Variants in TMEM62 observed in about 807,000 individuals in gnomAD.
The protein encoded by TMEM62 is transmembrane protein 62.
A neutral mutation model predicts 70.4 loss-of-function variants in TMEM62; 41 were observed. That is an observed-to-expected ratio of 0.58 (90% CI 0.45 to 0.76). The LOEUF (loss-of-function observed/expected upper bound fraction) is 0.76, where lower values mean the gene tolerates loss of function less well. Ranked by LOEUF, TMEM62 falls within the 30% of genes least tolerant of loss-of-function variation. The pLI is 0.00. For missense variants in TMEM62, 688 were observed against 788.5 expected, an observed-to-expected ratio of 0.87 and a Z score of 1.53; for synonymous variants, 268 against 291.0, an observed-to-expected ratio of 0.92 and a Z score of 0.80.
In TMEM62 at chr15:43,169,664, C is replaced by T; in HGVS notation, c.1368C>T (p.Tyr456=). 1.2e-6 allele frequency: 2 copies of T among 1,613,752 alleles called. No homozygotes were observed. Among genetic ancestry groups the T allele is most frequent in the Non-Finnish European group, 8.5e-7 (1 of 1,179,726 alleles). Residue 456 remains tyrosine, a synonymous_variant, in exon 11 of 14, where the codon TAC becomes TAT. Coordinates refer to ENST00000260403, the MANE Select transcript of TMEM62 (RefSeq NM_024956.4). ...TCATTATTTTTAGATATCGAGGATA[C>T]CCAGAGCTTAAAGGTTAGTTATGGT... ...TILIIFRYRG[Y]PELKEPSGFI... is the part of the protein sequence containing the mutation.
chr15:43,153,818 G>A (rs180916372), intron 8 of TMEM62, among the ~76,000 whole-genome samples: 31 of 152,256 alleles, frequency 2.0e-4, no homozygotes, highest in African/African-American at 7.0e-4. Flanking sequence ...TACAGATAAC[G>A]GTTCAAGTCC....
intron 10 of TMEM62, among the ~76,000 whole-genome samples, chr15:43,167,283 C>T (rs1157024816): frequency 1.3e-5 from 2 of 151,746 alleles, no homozygotes; most frequent in African/African-American, 2.4e-5. Flanking sequence ...ACCTCCCTCC[C>T]GGACGGGGTG....
At chr15:43,177,331 C>G (rs978686524) in intron 11 of TMEM62, among the ~76,000 whole-genome samples, 1 of 152,034 alleles carries the variant, frequency 6.6e-6, no homozygotes, top group African/African-American at 2.4e-5. Flanking sequence ...GAATGGCAAT[C>G]ATTAAAAAGT....
intron 3 of TMEM62, among the ~76,000 whole-genome samples, chr15:43,136,176 A>G (rs907752374): frequency 2.6e-5 from 4 of 152,206 alleles, no homozygotes; most frequent in African/African-American, 7.2e-5. Context: ...TTTCATTTAT[A>G]TGACATTCAG....
chr15:43,171,854 C>T (rs1055239582), intron 11 of TMEM62, among the ~76,000 whole-genome samples: 3 of 151,922 alleles, frequency 2.0e-5, no homozygotes, highest in Non-Finnish European at 2.9e-5. Context: ...GTCTCAATCT[C>T]CTAACATCAT....
intron 7 of TMEM62, among the ~76,000 whole-genome samples, chr15:43,149,573 C>T (rs560212213): frequency 6.6e-6 from 1 of 151,548 alleles, no homozygotes; most frequent in Non-Finnish European, 1.5e-5. Flanking sequence ...CAGGCACCCA[C>T]CATCATGCTC....
At chr15:43,171,220 T>C (rs1479642782) in intron 11 of TMEM62, among the ~76,000 whole-genome samples, 2 of 151,800 alleles carry the variant, frequency 1.3e-5, no homozygotes, top group African/African-American at 4.8e-5. Flanking sequence ...CCTGTAGTCC[T>C]AGCTACTCGG....
At chr15:43,138,809 T>C (rs920645739) in intron 4 of TMEM62, among the ~76,000 whole-genome samples, 190 bp downstream of exon 4, 4 of 152,236 alleles carry the variant, frequency 2.6e-5, no homozygotes, top group Non-Finnish European at 5.9e-5. Context: ...TAGCTGGGGC[T>C]GCAGGCACAT....
At chr15:43,145,268 G>C (rs977391176) in intron 4 of TMEM62, among the ~76,000 whole-genome samples, 36 of 140,270 alleles carry the variant, frequency 2.6e-4, no homozygotes, top group African/African-American at 9.3e-4. Flanking sequence ...GCAGTGGCAC[G>C]ATCTCCACTC....
At position 43,184,520 on chromosome 15, in the gene TMEM62, G is replaced by A. The variant is rs1274398827; in HGVS notation, c.1866G>A (p.Val622=). 1.1e-5 allele frequency: 17 copies of A among 1,613,300 alleles called. 1 individual carries two copies. Among genetic ancestry groups the A allele is most frequent in the South Asian group, 3.3e-5 (3 of 91,088 alleles). The change falls in exon 14 of 14, where the codon GTG becomes GTA. Residue 622 remains valine, a synonymous_variant. Transcript: ENST00000260403. ...TGACACCTGTTCTCATTCGTTATGT[G>A]TGGACACTGAACTCCACCAAGTTTG... ...TLLTPVLIRY[V]WTLNSTKFGI... is the part of the protein sequence containing the mutation.
intron 9 of TMEM62, among the ~76,000 whole-genome samples, chr15:43,158,843 A>G (rs1176168827): frequency 6.6e-6 from 1 of 152,170 alleles, no homozygotes; most frequent in Non-Finnish European, 1.5e-5. Flanking sequence ...AGTCTTTTAC[A>G]TTTAGTAGTA....
At chr15:43,141,524 T>A (rs981851444) in intron 4 of TMEM62, among the ~76,000 whole-genome samples, 2 of 152,240 alleles carry the variant, frequency 1.3e-5, no homozygotes, top group African/African-American at 4.8e-5. Context: ...GCAAGAGCTC[T>A]GAGGAAGATG....
At position 43,133,614 on chromosome 15, in the gene TMEM62, T is replaced by C. The variant is rs1371601036; in HGVS notation, c.-189T>C. The C allele has an allele frequency of 5.1e-6, 2 of 390,182 alleles. No homozygotes were observed. The highest frequency in any genetic ancestry group is 8.9e-6 in the Non-Finnish European group (2 of 223,708). The allele number at this position is 390,182 out of a possible 1,614,324, so 24.2% of individuals were successfully genotyped here. ...TGCGCGGCCAGAGAGGGGCAGGTGC[T>C]GGGCGGCGGCTGACGGGCGCAGCAC... On this transcript the variant is annotated 5_prime_UTR_variant, in exon 1 of 14. Transcript: ENST00000260403.
At position 43,162,433 on chromosome 15, in the gene TMEM62, C is replaced by CTTTTTTTTTTTTTTTTTTTTT. The variant is rs1169921008; in HGVS notation, c.1296+1652_1296+1653insTTTTTTTTTTTTTTTTTTTTT. On this transcript the variant is annotated intron_variant, in intron 10 of 13. Transcript: ENST00000260403. ...CAGGCGTGAGCCACTGCCCCTGGCC[C>CTTTTTTTTTTTTTTTTTTTTT]TTTTTTTTTTTTTGTTGAGCTGGAG... is the stretch of plus-strand genomic sequence containing the variant. Among the ~76,000 whole-genome samples, 106 of 136,994 alleles carry CTTTTTTTTTTTTTTTTTTTTT rather than the reference C, an allele frequency of 7.7e-4. 3 individuals carry two copies. Among genetic ancestry groups the CTTTTTTTTTTTTTTTTTTTTT allele is most frequent in the African/African-American group, 3.1e-3 (100 of 32,538 alleles). 89.9% of individuals were successfully genotyped at this position (136,994 alleles called of 152,430 possible). A position where few individuals can be genotyped will look rare whatever the true frequency, so the allele number is the denominator to read the frequency against.
chr15:43,176,144 A>G (rs2040719276), intron 11 of TMEM62, among the ~76,000 whole-genome samples: 1 of 152,256 alleles, frequency 6.6e-6, no homozygotes, highest in Non-Finnish European at 1.5e-5. Context: ...GGCGCCCGCC[A>G]TTGCCCAGGC....
chr15:43,137,509 CA>C, intron 3 of TMEM62, among the ~76,000 whole-genome samples: 1 of 152,366 alleles, frequency 6.6e-6, no homozygotes, highest in South Asian at 2.1e-4. Context: ...AGAAAGATGA[CA>C]GAGGCTGCTA....
intron 10 of TMEM62, 64 bp downstream of exon 10, chr15:43,160,858 C>G (rs11070392): frequency 0.5 from 417,383 of 833,392 alleles, 112,146 homozygotes; most frequent in Non-Finnish European, 0.56. Flanking sequence ...ATACAGTAGT[C>G]CTCCCTTATC....
At chr15:43,181,428 A>T in intron 13 of TMEM62, 129 bp downstream of exon 13, 1 of 670,500 alleles carries the variant, frequency 1.5e-6, no homozygotes. Flanking sequence ...CTTGCAGGGC[A>T]GTCTTTAATA....
At chr15:43,184,228 T>G (rs1372970867) in intron 13 of TMEM62, 32 bp from the exon 14 acceptor site, 3 of 1,576,450 alleles carry the variant, frequency 1.9e-6, no homozygotes, top group Non-Finnish European at 2.6e-6. Flanking sequence ...TCCAAGGACT[T>G]GGGAGTAAGC....
Sources: allele counts gnomAD v4.1 joint callset (sites outside exome capture counted in the v4.1 genomes callset), GRCh38; gene constraint gnomAD v4.1.1; transcripts MANE v1.5; gene names NCBI Gene and HGNC (gene_info 2026-07-23, HGNC 2026-07-21).